Variants in CAB39L observed in about 807,000 individuals in gnomAD.
CAB39L encodes the protein calcium-binding protein 39-like.
Under a neutral mutation model 39.1 loss-of-function variants are expected in CAB39L, and 23 were observed. The ratio of observed to expected loss-of-function variants is 0.59; its 90% CI spans 0.42 to 0.83. CAB39L has a LOEUF of 0.83. CAB39L is among the 40% of genes least tolerant of loss of function. The pLI, the probability that CAB39L is intolerant of heterozygous loss-of-function variation, is 0.00. For synonymous variants in CAB39L, 126 were observed against 137.2 expected (o/e 0.92, Z 0.57); for missense variants, 366 against 391.9 (o/e 0.93, Z 0.56).
At chr13:49,404,870 A>T (rs1956839449) in intron 3 of CAB39L, among the ~76,000 whole-genome samples, 1 of 152,198 alleles carries the variant, frequency 6.6e-6, no homozygotes, top group Non-Finnish European at 1.5e-5. Context: ...AGACTATCTG[A>T]AATACACAGA....
intron 10 of CAB39L, among the ~76,000 whole-genome samples, chr13:49,311,705 A>G (rs1217600051): frequency 6.6e-6 from 1 of 152,206 alleles, no homozygotes; most frequent in East Asian, 1.9e-4. Context: ...AAAGTAAAAA[A>G]TAAAAAACTT....
At chr13:49,407,861 C>CAAAAAAAAAAAAAAAAA (rs35392956) in intron 3 of CAB39L, among the ~76,000 whole-genome samples, 1 of 114,106 alleles carries the variant, frequency 8.8e-6, no homozygotes, top group Non-Finnish European at 1.7e-5. Context: ...GACCCCGTCT[C>CAAAAAAAAAAAAAAAAA]AAAAAAAAAA....
At chr13:49,331,369 GGGA>G (rs1288935216) in intron 10 of CAB39L, among the ~76,000 whole-genome samples, 2 of 152,110 alleles carry the variant, frequency 1.3e-5, no homozygotes, top group African/African-American at 4.8e-5. Context: ...AGGAGGTTGA[GGGA>G]GGAGAATCGC....
At chr13:49,322,765 T>C (rs1048398269) in intron 10 of CAB39L, among the ~76,000 whole-genome samples, 1 of 152,218 alleles carries the variant, frequency 6.6e-6, no homozygotes, top group Non-Finnish European at 1.5e-5. Context: ...CCACTGGTAA[T>C]TCTTGGCAAA....
intron 10 of CAB39L, among the ~76,000 whole-genome samples, chr13:49,325,463 C>T (rs1954470493): frequency 6.6e-6 from 1 of 152,158 alleles, no homozygotes; most frequent in South Asian, 2.1e-4. Flanking sequence ...AGATTTGGTA[C>T]ACCATGACCA....
At chr13:49,393,774 G>A (rs1414468525) in intron 3 of CAB39L, among the ~76,000 whole-genome samples, 1 of 151,902 alleles carries the variant, frequency 6.6e-6, no homozygotes. Context: ...GTTTGATACA[G>A]TTCCAATCAA....
intron 5 of CAB39L, among the ~76,000 whole-genome samples, chr13:49,372,787 C>G (rs906903828): frequency 1.3e-5 from 2 of 152,152 alleles, no homozygotes; most frequent in African/African-American, 4.8e-5. Flanking sequence ...TCTCCTGCCT[C>G]AGCCTCCCTC....
chr13:49,411,346 G>A (rs1446624443), intron 3 of CAB39L, among the ~76,000 whole-genome samples: 1 of 150,046 alleles, frequency 6.7e-6, no homozygotes, highest in Non-Finnish European at 1.5e-5. Flanking sequence ...GGAGGCGGAG[G>A]TTGCAGTGAG....
At chr13:49,344,268 A>G in intron 7 of CAB39L, 30 bp from the exon 8 acceptor site, 1 of 1,276,198 alleles carries the variant, frequency 7.8e-7, no homozygotes, top group Non-Finnish European at 1.1e-6. Context: ...GTGAAACAAA[A>G]CTGTTATAGC....
chr13:49,353,769 GT>G (rs1955418517), intron 6 of CAB39L, among the ~76,000 whole-genome samples: 1 of 151,782 alleles, frequency 6.6e-6, no homozygotes, highest in Non-Finnish European at 1.5e-5. Flanking sequence ...CAATTTAATT[GT>G]TGGGGATATG....
chr13:49,443,379 T>C (rs1367128547), intron 1 of CAB39L, among the ~76,000 whole-genome samples: 4 of 150,352 alleles, frequency 2.7e-5, no homozygotes, highest in Non-Finnish European at 4.4e-5. Flanking sequence ...GGCTGCCCGC[T>C]AATGTACAAT....
At chr13:49,366,961 C>T (rs559782603) in intron 5 of CAB39L, among the ~76,000 whole-genome samples, 1 of 152,216 alleles carries the variant, frequency 6.6e-6, no homozygotes, top group Non-Finnish European at 1.5e-5. Context: ...TGAGATTGTG[C>T]CACTGAATTC....
At chr13:49,403,997 C>T (rs1956825325) in intron 3 of CAB39L, among the ~76,000 whole-genome samples, 1 of 152,190 alleles carries the variant, frequency 6.6e-6, no homozygotes, top group Non-Finnish European at 1.5e-5. Context: ...ACTATATATA[C>T]TATATTTAGT....
At chr13:49,351,262 T>TTTG (rs1555255259) in intron 6 of CAB39L, 1 of 149,214 alleles carries the variant, frequency 6.7e-6, no homozygotes, top group African/African-American at 2.5e-5. Flanking sequence ...GGTGACTAAA[T>TTTG]TGTGTGTGTG....
At chr13:49,383,441 A>G (rs1276622964) in intron 3 of CAB39L, among the ~76,000 whole-genome samples, 1 of 152,182 alleles carries the variant, frequency 6.6e-6, no homozygotes, top group Admixed American at 6.5e-5. Context: ...TGAGTCAATT[A>G]TACCTTTTTC....
chr13:49,375,657 G>A (rs969439130), intron 5 of CAB39L, among the ~76,000 whole-genome samples: 1 of 151,980 alleles, frequency 6.6e-6, no homozygotes, highest in Non-Finnish European at 1.5e-5. Context: ...GGGGTCGGGG[G>A]AGCGGGGAGG....
At chr13:49,423,880 AAC>A (rs1159945899) in intron 3 of CAB39L, among the ~76,000 whole-genome samples, 16 of 152,358 alleles carry the variant, frequency 1.1e-4, no homozygotes, top group Admixed American at 7.2e-4. Flanking sequence ...TAAAATGACA[AAC>A]ACAGAAAAAT....
At chr13:49,330,243 G>A (rs1001887618) in intron 10 of CAB39L, among the ~76,000 whole-genome samples, 5 of 152,126 alleles carry the variant, frequency 3.3e-5, no homozygotes, top group East Asian at 3.9e-4. Flanking sequence ...AAGTAGTTGC[G>A]TTGGATGGGA....
At chr13:49,437,043 T>G (rs989678006) in intron 1 of CAB39L, among the ~76,000 whole-genome samples, 1 of 152,214 alleles carries the variant, frequency 6.6e-6, no homozygotes, top group Admixed American at 6.5e-5. Context: ...AGGGCTGGGA[T>G]TACAGCTGTG....
Sources: allele counts gnomAD v4.1 joint callset (sites outside exome capture counted in the v4.1 genomes callset), GRCh38; gene constraint gnomAD v4.1.1; transcripts MANE v1.5; gene names NCBI Gene and HGNC (gene_info 2026-07-23, HGNC 2026-07-21).